The following FBXO10 variants were observed in gnomAD, a reference collection of about 807,000 sequenced individuals.
FBXO10 encodes the protein F-box only protein 10.
In FBXO10, 39 loss-of-function variants were observed where a neutral mutation model predicts 80.7. That is an observed-to-expected ratio of 0.48 (90% CI 0.37 to 0.63). The LOEUF (loss-of-function observed/expected upper bound fraction) is 0.63, where lower values mean the gene tolerates loss of function less well. Among genes scored for constraint, FBXO10 ranks in the 30% least tolerant of loss-of-function variants. The pLI is 0.00. For synonymous variants in FBXO10, 449 were observed against 489.6 expected (o/e 0.92, Z 1.09); for missense variants, 1,025 against 1,269.0 (o/e 0.81, Z 2.92).
intron 5 of FBXO10, among the ~76,000 whole-genome samples, chr9:37,525,740 C>T (rs1233171623): frequency 3.3e-5 from 5 of 152,094 alleles, no homozygotes; most frequent in South Asian, 2.1e-4. Flanking sequence ...GGTTTTGCTA[C>T]GTTGCCCAGG....
At chr9:37,566,035 A>T (rs1822596081) in intron 1 of FBXO10, among the ~76,000 whole-genome samples, 1 of 152,152 alleles carries the variant, frequency 6.6e-6, no homozygotes, top group Non-Finnish European at 1.5e-5. Context: ...GCCAAAGGTA[A>T]ACAGTTTCTA....
chr9:37,538,488 A>G (rs545289300), intron 2 of FBXO10, among the ~76,000 whole-genome samples: 1 of 152,208 alleles, frequency 6.6e-6, no homozygotes, highest in Non-Finnish European at 1.5e-5. Flanking sequence ...TGGGCAGATC[A>G]CTTGAGGTCA....
At chr9:37,572,750 T>A (rs1005918157) in intron 1 of FBXO10, among the ~76,000 whole-genome samples, 10 of 152,210 alleles carry the variant, frequency 6.6e-5, no homozygotes, top group African/African-American at 2.4e-4. Context: ...GTTCTTGACA[T>A]GTTGGTGATT....
chr9:37,544,869 C>A (rs1822012876), intron 1 of FBXO10, among the ~76,000 whole-genome samples: 1 of 151,614 alleles, frequency 6.6e-6, no homozygotes, highest in African/African-American at 2.4e-5. Flanking sequence ...TGGCGGGTGC[C>A]TGTAGTCCCA....
intron 4 of FBXO10, among the ~76,000 whole-genome samples, chr9:37,529,619 G>C (rs1236978399): frequency 6.6e-6 from 1 of 152,158 alleles, no homozygotes; most frequent in Non-Finnish European, 1.5e-5. Flanking sequence ...GGTCCAGGGA[G>C]GCCATCTCTT....
chr9:37,548,131 TC>T (rs1822103213), intron 1 of FBXO10, among the ~76,000 whole-genome samples: 1 of 152,242 alleles, frequency 6.6e-6, no homozygotes, highest in African/African-American at 2.4e-5. Context: ...ATGCCTGTAA[TC>T]CCAGTGCTTT....
chr9:37,547,560 A>C (rs1177590764), intron 1 of FBXO10, among the ~76,000 whole-genome samples: 1 of 152,234 alleles, frequency 6.6e-6, no homozygotes, highest in African/African-American at 2.4e-5. Flanking sequence ...GCAGTGAAAC[A>C]TGATCGCATC....
At chr9:37,552,430 T>A (rs1446279031) in intron 1 of FBXO10, among the ~76,000 whole-genome samples, 1 of 152,132 alleles carries the variant, frequency 6.6e-6, no homozygotes, top group Non-Finnish European at 1.5e-5. Flanking sequence ...ACGCTTGTAA[T>A]CCCAGCACTT....
At chr9:37,516,990 A>T (rs1755997261) in intron 9 of FBXO10, among the ~76,000 whole-genome samples, 2 of 151,548 alleles carry the variant, frequency 1.3e-5, no homozygotes, top group Admixed American at 1.3e-4. Flanking sequence ...AAAAGGTGGT[A>T]TATATATACC....
At chr9:37,549,663 GA>G (rs1822142398) in intron 1 of FBXO10, among the ~76,000 whole-genome samples, 1 of 151,996 alleles carries the variant, frequency 6.6e-6, no homozygotes, top group Admixed American at 6.6e-5. Context: ...TTTATTTGTT[GA>G]AAACCCTGAC....
rs545275487 is a variant in FBXO10, at chr9:37,547,707, C to T, written c.-6-5933G>A. Among the ~76,000 whole-genome samples the T allele has an allele frequency of 2.6e-5, 4 of 152,252 alleles. No homozygotes were observed. The East Asian group carries it at 7.7e-4, about 29-fold the overall frequency. ...GGCACAGTGGCTCACACCTGTAATG[C>T]CAGCACTTTGGGAAGCTGAGGTGGG... On this transcript the variant is annotated intron_variant, in intron 1 of 10. Transcript: ENST00000432825.
chr9:37,519,070 C>T (rs1821261007), intron 8 of FBXO10, among the ~76,000 whole-genome samples: 2 of 152,094 alleles, frequency 1.3e-5, no homozygotes, highest in South Asian at 2.1e-4. Flanking sequence ...CCACCACGCC[C>T]GGCTAATTTT....
chr9:37,554,625 A>G (rs1822292555), intron 1 of FBXO10, among the ~76,000 whole-genome samples: 1 of 152,278 alleles, frequency 6.6e-6, no homozygotes, highest in African/African-American at 2.4e-5. Flanking sequence ...AATTCCTACT[A>G]TCATGATTTT....
chr9:37,537,045 C>A, intron 3 of FBXO10, 65 bp downstream of exon 3: 1 of 1,217,724 alleles, frequency 8.2e-7, no homozygotes, highest in Non-Finnish European at 1.2e-6. Context: ...GCAAAATAGC[C>A]CCATCAAACC....
At chr9:37,519,462 C>T (rs1311879328) in intron 8 of FBXO10, among the ~76,000 whole-genome samples, 1 of 59,154 alleles carries the variant, frequency 1.7e-5, no homozygotes, top group Non-Finnish European at 3.8e-5. Flanking sequence ...CGGTAGGTCC[C>T]TCTGCCCACC....
intron 8 of FBXO10, 58 bp from the exon 9 acceptor site, chr9:37,518,496 A>C (rs1821242876): frequency 2.1e-6 from 3 of 1,424,800 alleles, no homozygotes; most frequent in Middle Eastern, 1.9e-4. Context: ...TGACACCACC[A>C]GTCAGGAAAA....
chr9:37,564,046 G>A (rs569746464), intron 1 of FBXO10, among the ~76,000 whole-genome samples: 71 of 152,374 alleles, frequency 4.7e-4, no homozygotes, highest in Non-Finnish European at 9.6e-4. Context: ...CAGGCACAGG[G>A]ACCCTCTGCT....
chr9:37,522,702 A>T, intron 7 of FBXO10, 123 bp downstream of exon 7: 1 of 1,219,734 alleles, frequency 8.2e-7, no homozygotes, highest in Non-Finnish European at 1.1e-6. Context: ...GTGGCCTGAG[A>T]GTGCCTGTTC....
At chr9:37,516,136 T>C (rs1821174522) in intron 9 of FBXO10, 51 bp from the exon 10 acceptor site, 2 of 1,557,424 alleles carry the variant, frequency 1.3e-6, no homozygotes, top group Admixed American at 2.0e-5. Context: ...ACAGACTGAG[T>C]GGGAGAGCTG....
Sources: allele counts gnomAD v4.1 joint callset (sites outside exome capture counted in the v4.1 genomes callset), GRCh38; gene constraint gnomAD v4.1.1; transcripts MANE v1.5; gene names NCBI Gene and HGNC (gene_info 2026-07-23, HGNC 2026-07-21).